NOTCH2: variants seen among roughly 807,000 people sequenced by gnomAD.
The protein encoded by NOTCH2 is notch receptor 2.
Under a neutral mutation model 235.8 loss-of-function variants are expected in NOTCH2, and 29 were observed. The ratio of observed to expected loss-of-function variants is 0.12; its 90% CI spans 0.09 to 0.17. The LOEUF is 0.17. NOTCH2 is among the 10% of genes least tolerant of loss of function. The pLI is 1.00. For missense variants in NOTCH2, 2,285 were observed against 3,150.2 expected (o/e 0.73, Z 6.57); for synonymous variants, 1,086 against 1,141.5 (o/e 0.95, Z 0.98).
Position 119,948,472 on chromosome 1 carries a change from T to C in NOTCH2, c.2694A>G (p.Glu898=). The change falls in exon 17 of 34, where the codon GAA becomes GAG. Residue 898 remains glutamate, a synonymous_variant. Transcript: ENST00000256646. ...CCATACCACTGAAGCCTGGTGGACATTCACACATGTAGCTGCCCTGGGTGT... is the reference window on the plus strand; with the variant it reads ...CCATACCACTGAAGCCTGGTGGACACTCACACATGTAGCTGCCCTGGGTGT... ...CHNTQGSYMC[E]CPPGFSGMDC... 6.2e-7 allele frequency: 1 copy of C among 1,614,184 alleles called. No homozygotes were observed. The highest frequency in any genetic ancestry group is 8.5e-7 in the Non-Finnish European group (1 of 1,180,038).
At chr1:120,024,845 T>C (rs1553209636) in intron 2 of NOTCH2, among the ~76,000 whole-genome samples, 2 of 151,610 alleles carry the variant, frequency 1.3e-5, no homozygotes, top group African/African-American at 4.8e-5. Flanking sequence ...ATTTTCATCA[T>C]TAAAAATAAT....
intron 12 of NOTCH2, 38 bp from the exon 13 acceptor site, chr1:119,955,270 T>C: frequency 6.3e-7 from 1 of 1,587,816 alleles, no homozygotes; most frequent in Non-Finnish European, 8.6e-7. Flanking sequence ...ACATCCTAAA[T>C]GCTTAGGAAA....
chr1:119,953,467 C>CT, intron 14 of NOTCH2, 76 bp downstream of exon 14: 1 of 1,483,092 alleles, frequency 6.7e-7, no homozygotes, highest in East Asian at 2.3e-5. Context: ...GAAAAGGAAA[C>CT]TAAGAAGTGA....
chr1:120,006,892 T>C (rs1336040945), intron 2 of NOTCH2, among the ~76,000 whole-genome samples: 6 of 152,076 alleles, frequency 3.9e-5, no homozygotes, highest in Non-Finnish European at 8.8e-5. Flanking sequence ...TTGGCAAGGC[T>C]AGCTAGCAGG....
chr1:119,955,808 A>G (rs1440556121), intron 12 of NOTCH2, among the ~76,000 whole-genome samples: 1 of 152,196 alleles, frequency 6.6e-6, no homozygotes, highest in Non-Finnish European at 1.5e-5. Context: ...TAGAGTCTCA[A>G]AGTATAATTT....
intron 4 of NOTCH2, among the ~76,000 whole-genome samples, chr1:119,987,840 C>G (rs1447073545): frequency 1.3e-5 from 2 of 152,154 alleles, no homozygotes; most frequent in African/African-American, 4.8e-5. Context: ...AAACTTACAG[C>G]ATTGCTTCCT....
At chr1:119,970,229 G>A (rs1651308239) in intron 5 of NOTCH2, among the ~76,000 whole-genome samples, 2 of 152,132 alleles carry the variant, frequency 1.3e-5, no homozygotes, top group South Asian at 2.1e-4. Context: ...GTTACCACTG[G>A]GAGACCCTTG....
chr1:119,922,528 C>G, intron 27 of NOTCH2, 82 bp from the exon 28 acceptor site: 1 of 1,595,214 alleles, frequency 6.3e-7, no homozygotes, highest in South Asian at 1.1e-5. Flanking sequence ...TAGAGGGCAA[C>G]TTTGACCTCA....
intron 5 of NOTCH2, among the ~76,000 whole-genome samples, chr1:119,982,233 G>C (rs1651840104): frequency 6.6e-6 from 1 of 152,208 alleles, no homozygotes; most frequent in African/African-American, 2.4e-5. Context: ...AGTGTGGTCA[G>C]TTTTCTTTGA....
In NOTCH2 at chr1:119,925,920, T is replaced by C. The variant is rs1324311017; in HGVS notation, c.4006-110A>G. 4 of 1,297,270 alleles carry C rather than the reference T, an allele frequency of 3.1e-6. No individual in the cohort carries two copies. The East Asian group carries it at 9.8e-5, about 32-fold the overall frequency. The allele number at this position is 1,297,270 out of a possible 1,614,324, so 80.4% of individuals were successfully genotyped here. The stretch of plus-strand genomic sequence containing the variant: ...ATCTCACTCCCTTCTGTACTTCCCG[T>C]TCAGCCCAAGCCAAGGTTACTAGAC... On this transcript the variant is annotated intron_variant, in intron 24 of 33. Transcript: ENST00000256646.
At chr1:119,967,700 G>A in intron 7 of NOTCH2, 79 bp from the exon 8 acceptor site, 1 of 1,256,766 alleles carries the variant, frequency 8.0e-7, no homozygotes, top group Non-Finnish European at 1.2e-6. Context: ...AGCATCTGAT[G>A]GTTATAGCAT....
chr1:119,913,132 G>A lies in NOTCH2; in HGVS notation c.*2174C>T, dbSNP rs1057300213. The A allele has an allele frequency of 4.3e-6, 1 of 233,196 alleles. No individual in the cohort carries two copies. The highest frequency in any genetic ancestry group is 2.2e-5 in the African/African-American group (1 of 45,426). The allele number at this position is 233,196 out of a possible 1,614,324, so 14.4% of individuals were successfully genotyped here. ...TCTGTGAATAATAAATGGGTCCAAG[G>A]GCAGAGAGTCACCATTTAGAATGAT... On this transcript the variant is annotated 3_prime_UTR_variant, in exon 34 of 34. Transcript: ENST00000256646.
At chr1:119,917,315 GAA>G (rs950189355) in intron 33 of NOTCH2, among the ~76,000 whole-genome samples, 2 of 150,874 alleles carry the variant, frequency 1.3e-5, no homozygotes, top group African/African-American at 4.9e-5. Context: ...TCCAAGGACA[GAA>G]AAAAAAGCAG....
intron 33 of NOTCH2, among the ~76,000 whole-genome samples, chr1:119,917,440 C>G (rs1481474868): frequency 1.3e-5 from 2 of 152,208 alleles, no homozygotes; most frequent in South Asian, 4.1e-4. Flanking sequence ...CTATCTATAG[C>G]CAGCCTACTG....
At chr1:120,010,937 T>A (rs1481980461) in intron 2 of NOTCH2, among the ~76,000 whole-genome samples, 6 of 152,110 alleles carry the variant, frequency 3.9e-5, no homozygotes, top group Admixed American at 1.3e-4. Flanking sequence ...TATGTGGCCA[T>A]GAAAAGGAAT....
chr1:120,068,902 G>C (rs1553217622), intron 1 of NOTCH2: 1 of 780,422 alleles, frequency 1.3e-6, no homozygotes, highest in Non-Finnish European at 1.9e-6. Context: ...CGTTTGGCTT[G>C]GCGGCCCTGC....
chr1:119,971,824 C>T lies in NOTCH2; in HGVS notation c.875-2080G>A, dbSNP rs587656076. On this transcript the variant is annotated intron_variant, in intron 5 of 33. Coordinates refer to ENST00000256646, the MANE Select transcript of NOTCH2 (RefSeq NM_024408.4). Reference sequence around the variant, plus strand: ...TACTGAAGCCCAACTACTAGTAAGCCTACTCAGTGGCATAGCCATTCTGAG... The same window carrying T: ...TACTGAAGCCCAACTACTAGTAAGCTTACTCAGTGGCATAGCCATTCTGAG... Among the ~76,000 whole-genome samples the T allele has an allele frequency of 6.6e-5, 10 of 152,342 alleles. No homozygotes were observed. The South Asian group carries it at 1.9e-3, about 28-fold the overall frequency.
At chr1:119,919,041 G>C (rs749082015) in intron 31 of NOTCH2, among the ~76,000 whole-genome samples, 1 of 152,118 alleles carries the variant, frequency 6.6e-6, no homozygotes, top group Non-Finnish European at 1.5e-5. Context: ...CTACGCATTT[G>C]GGAGGCATCT....
At chr1:120,064,025 G>C (rs1487259170) in intron 1 of NOTCH2, among the ~76,000 whole-genome samples, 15 of 148,874 alleles carry the variant, frequency 1.0e-4, no homozygotes, top group South Asian at 2.2e-4. Flanking sequence ...TGTCAGCTCA[G>C]TAAAGTCTAC....
Sources: allele counts gnomAD v4.1 joint callset (sites outside exome capture counted in the v4.1 genomes callset), GRCh38; gene constraint gnomAD v4.1.1; transcripts MANE v1.5; gene names NCBI Gene and HGNC (gene_info 2026-07-23, HGNC 2026-07-21).